PLPPR3: variants seen among roughly 807,000 people sequenced by gnomAD.
PLPPR3 encodes the protein phospholipid phosphatase related 3, also known as phospholipid phosphatase-related protein type 3.
Under a neutral mutation model 27.3 loss-of-function variants are expected in PLPPR3, and 14 were observed. That is an observed-to-expected ratio of 0.51 (90% CI 0.34 to 0.80). The LOEUF (loss-of-function observed/expected upper bound fraction) is 0.80. Among genes scored for constraint, PLPPR3 ranks in the 30% least tolerant of loss-of-function variants. PLPPR3 has a pLI of 0.01. For missense variants in PLPPR3, 1,287 were observed against 1,056.9 expected, an observed-to-expected ratio of 1.22 and a Z score of -3.02; for synonymous variants, 671 against 508.0, an observed-to-expected ratio of 1.32 and a Z score of -4.32.
Position 819,107 on chromosome 19 carries a change from G to T in PLPPR3, c.75+2378C>A, listed in dbSNP as rs1395834224. Among the ~76,000 whole-genome samples the T allele has an allele frequency of 1.8e-5, 2 of 108,264 alleles. 1 individual carries two copies. The highest frequency in any genetic ancestry group is 6.6e-4 in the South Asian group (2 of 3,034). 71.0% of individuals were successfully genotyped at this position (108,264 alleles called of 152,430 possible). A position where few individuals can be genotyped will look rare whatever the true frequency, so the allele number is the denominator to read the frequency against. On this transcript the variant is annotated intron_variant, in intron 2 of 7. Transcript: ENST00000520876. ...TTCTCCCACCTCAGCCTCCGGAGTA[G>T]CTGAGACTACAGGCACACACCACCA...
intron 2 of PLPPR3, among the ~76,000 whole-genome samples, chr19:818,737 G>A (rs1169396931): frequency 5.3e-5 from 8 of 151,974 alleles, no homozygotes; most frequent in Admixed American, 2.6e-4. Flanking sequence ...GTTTCACCGT[G>A]TTAGCCAGGA....
intron 2 of PLPPR3, 144 bp downstream of exon 2, chr19:821,341 C>G: frequency 3.5e-6 from 2 of 578,334 alleles, no homozygotes; most frequent in South Asian, 5.1e-5. Context: ...GCCCCACCCC[C>G]CATCCGCCGG....
Position 813,270 on chromosome 19 carries a change from G to T in PLPPR3, c.1457C>A (p.Pro486Gln). The change falls in exon 8 of 8, where the codon CCG becomes CAG. Residue 486 changes from proline to glutamine, a missense_variant. Transcript: ENST00000520876. The surrounding 1 kb of genome is among the most constrained non-coding windows in gnomAD (Gnocchi z 4.1). The stretch of plus-strand genomic sequence containing the variant: ...CACCAGCGGCGGCGGCCCCGCGCGC[G>T]GTGGGAGGATGACCCGAGGCCCCAG... ...PGLGPRVILP[P>Q]RAGPPPLVHI... The T allele has an allele frequency of 6.8e-7, 1 of 1,473,134 alleles. No homozygotes were observed. The highest frequency in any genetic ancestry group is 1.3e-5 in the South Asian group (1 of 76,906). The allele number at this position is 1,473,134 out of a possible 1,614,324, so 91.3% of individuals were successfully genotyped here.
Position 821,735 on chromosome 19 carries a change from C to T in PLPPR3, c.-26-150G>A, listed in dbSNP as rs922647922. 10 of 409,624 alleles carry T rather than the reference C, an allele frequency of 2.4e-5. No individual in the cohort carries two copies. The South Asian group carries it at 4.8e-4, about 20-fold the overall frequency. The allele number at this position is 409,624 out of a possible 1,614,324, so 25.4% of individuals were successfully genotyped here. A position where few individuals can be genotyped will look rare whatever the true frequency, so the allele number is the denominator to read the frequency against. Reference sequence around the variant, plus strand: ...GGCCTCCCCGCGCCCCGGCCCAGCACGCGGCTTCCGGGCGCCCCTACACCC... The same window carrying T: ...GGCCTCCCCGCGCCCCGGCCCAGCATGCGGCTTCCGGGCGCCCCTACACCC... On this transcript the variant is annotated intron_variant, in intron 1 of 7. Transcript: ENST00000520876.
intron 2 of PLPPR3, among the ~76,000 whole-genome samples, chr19:818,430 G>A (rs1472082082): frequency 1.3e-5 from 2 of 152,056 alleles, no homozygotes; most frequent in Non-Finnish European, 2.9e-5. Flanking sequence ...GCCGACCGCA[G>A]TGGCTCACAC....
At chr19:823,130 A>G (rs2035173189), upstream of PLPPR3, among the ~76,000 whole-genome samples, 1 of 148,736 alleles carries the variant, frequency 6.7e-6, no homozygotes, top group African/African-American at 2.5e-5. Context: ...AAAACAAACA[A>G]ACAAACAAAC....
At position 812,593 on chromosome 19, in the gene PLPPR3, G is replaced by C; in HGVS notation, c.2134C>G (p.Gln712Glu). The C allele has an allele frequency of 9.1e-7, 1 of 1,102,438 alleles. No homozygotes were observed. Among genetic ancestry groups the C allele is most frequent in the South Asian group, 2.1e-5 (1 of 48,136 alleles). 68.3% of individuals were successfully genotyped at this position (1,102,438 alleles called of 1,614,324 possible). Residue 712 changes from glutamine (Q) to glutamate (E), a missense_variant, in exon 8 of 8, where the codon CAG becomes GAG. Gln to Glu is a conservative substitution (Grantham distance 29). Coordinates refer to ENST00000520876, the MANE Select transcript of PLPPR3 (RefSeq NM_001270366.2). ...CGCTAGTCGGGGAAGCGGCGCGCCTGCATCTTGCGGAAGTAGCCCTCGGCC... is the reference window on the plus strand; with the variant it reads ...CGCTAGTCGGGGAAGCGGCGCGCCTCCATCTTGCGGAAGTAGCCCTCGGCC... ...AEAEGYFRKM[Q>E]ARRFPD
At position 812,732 on chromosome 19, in the gene PLPPR3, C is replaced by T; in HGVS notation, c.1995G>A (p.Glu665=). Residue 665 remains glutamate (E), a synonymous_variant, in exon 8 of 8, where the codon GAG becomes GAA. Coordinates refer to ENST00000520876, the MANE Select transcript of PLPPR3 (RefSeq NM_001270366.2). ...CGGCCGCGCCCAGCGGGGGCAGCCC[C>T]TCGCCCGTGGCCAGGTTGACGGTGG... The part of the protein sequence containing the change: ...AVATVNLATG[E]GLPPLGAADG... 1 of 1,065,092 alleles carries T rather than the reference C, an allele frequency of 9.4e-7. No individual in the cohort carries two copies. The allele number at this position is 1,065,092 out of a possible 1,614,324, so 66.0% of individuals were successfully genotyped here.
intron 2 of PLPPR3, among the ~76,000 whole-genome samples, chr19:816,451 C>T (rs1336337812): frequency 6.6e-6 from 1 of 150,502 alleles, no homozygotes; most frequent in Non-Finnish European, 1.5e-5. Flanking sequence ...CCCACCTACC[C>T]ATCCATCCAA....
rs2035001268 is a variant in PLPPR3 at position 813,930 on chromosome 19, G to A, written c.832-35C>T. ...AGAGGGGTCTGGGGGTGAGGCCTGG[G>A]GCTCAGAGGGCTCCTCCCCTGTGAT... On this transcript the variant is annotated intron_variant, in intron 7 of 7. Coordinates refer to ENST00000520876, the MANE Select transcript of PLPPR3 (RefSeq NM_001270366.2). This position sits in a 1 kb window ranked among gnomAD's most constrained non-coding sequence, Gnocchi z 4.1. The A allele has an allele frequency of 7.1e-7, 1 of 1,415,444 alleles. No individual in the cohort carries two copies. The highest frequency in any genetic ancestry group is 9.2e-7 in the Non-Finnish European group (1 of 1,092,484). The allele number at this position is 1,415,444 out of a possible 1,614,324, so 87.7% of individuals were successfully genotyped here. A position where few individuals can be genotyped will look rare whatever the true frequency, so the allele number is the denominator to read the frequency against.
rs762411030 is a variant in PLPPR3, at chr19:815,218, T to C, written c.371A>G (p.Asn124Ser). ...CCGCACCGTACGCCGCAGGAAGGAG[T>C]TGAAGTTGCAGCCGCCGGCGTTGAT... is the stretch of plus-strand genomic sequence containing the variant. ...GSINAGGCNF[N>S]SFLRRTVRFV... The change falls in exon 4 of 8, where the codon AAC (asparagine) becomes AGC (serine). Residue 124 changes from asparagine to serine, a missense_variant. Coordinates refer to ENST00000520876, the MANE Select transcript of PLPPR3 (RefSeq NM_001270366.2). 1.3e-6 allele frequency: 2 copies of C among 1,599,950 alleles called. No individual in the cohort carries two copies. The highest frequency in any genetic ancestry group is 1.1e-5 in the South Asian group (1 of 90,024).
At chr19:816,002 T>A in intron 2 of PLPPR3, 151 bp from the exon 3 acceptor site, 2 of 737,410 alleles carry the variant, frequency 2.7e-6, no homozygotes, top group Admixed American at 5.6e-5. Flanking sequence ...GAGTTATTCA[T>A]CCATCCACAG....
intron 2 of PLPPR3, among the ~76,000 whole-genome samples, chr19:817,053 A>AC (rs1470710936): frequency 7.2e-6 from 1 of 138,060 alleles, no homozygotes; most frequent in Admixed American, 8.7e-5. Context: ...TCATCCATCT[A>AC]CCCATCTGTC....
chr19:814,191 C>T (rs1425565119), intron 7 of PLPPR3, among the ~76,000 whole-genome samples: 1 of 151,278 alleles, frequency 6.6e-6, no homozygotes, highest in Non-Finnish European at 1.5e-5. Context: ...CGTGCCTCCC[C>T]CCTAGAGCCC....
At chr19:818,627 G>A (rs539239350) in intron 2 of PLPPR3, among the ~76,000 whole-genome samples, 76 of 151,932 alleles carry the variant, frequency 5.0e-4, no homozygotes, top group Middle Eastern at 3.4e-3. Context: ...TCCACATCCC[G>A]GGTTCACGCC....
upstream of PLPPR3, among the ~76,000 whole-genome samples, chr19:823,457 A>AC (rs2035179382): frequency 7.3e-6 from 1 of 136,328 alleles, no homozygotes; most frequent in Non-Finnish European, 1.5e-5. Context: ...AAAAAAAAAA[A>AC]ACAAACAAAC....
At position 813,806 on chromosome 19, in the gene PLPPR3, C is replaced by T. The variant is rs541543804; in HGVS notation, c.921G>A (p.Thr307=). 1.3e-6 allele frequency: 2 copies of T among 1,519,814 alleles called. No homozygotes were observed. Among genetic ancestry groups the T allele is most frequent in the East Asian group, 2.5e-5 (1 of 39,958 alleles). The allele number at this position is 1,519,814 out of a possible 1,614,324, so 94.1% of individuals were successfully genotyped here. A position where few individuals can be genotyped will look rare whatever the true frequency, so the allele number is the denominator to read the frequency against. ...GATAAACCGAGTCGTGGCCCCGCTG[C>T]GTCAGGGCCCGCAGCGCGTCCTTGG... ...APAKDALRAL[T]QRGHDSVYQQ... Residue 307 remains threonine, a synonymous_variant, in exon 8 of 8, where the codon ACG becomes ACA. Transcript: ENST00000520876. This position sits in a 1 kb window ranked among gnomAD's most constrained non-coding sequence, Gnocchi z 4.1.
chr19:821,270 G>A (rs1280419042), intron 2 of PLPPR3, among the ~76,000 whole-genome samples: 4 of 144,500 alleles, frequency 2.8e-5, no homozygotes, highest in Non-Finnish European at 6.0e-5. Flanking sequence ...CAGTTCCCAC[G>A]GCCTGGACCC....
Position 812,558 on chromosome 19 carries a change from G to A in PLPPR3, c.*12C>T. On this transcript the variant is annotated 3_prime_UTR_variant, in exon 8 of 8. Transcript: ENST00000520876. ...CTCGGCCCGCCCCCCGCCCGCCCCCGGCCCCGCCGCGCTAGTCGGGGAAGC... is the reference window on the plus strand; with the variant it reads ...CTCGGCCCGCCCCCCGCCCGCCCCCAGCCCCGCCGCGCTAGTCGGGGAAGC... 2 of 224,322 alleles carry A rather than the reference G, an allele frequency of 8.9e-6. 1 individual carries two copies. The highest frequency in any genetic ancestry group is 4.5e-3 in the Middle Eastern group (2 of 440). The allele number at this position is 224,322 out of a possible 1,614,324, so 13.9% of individuals were successfully genotyped here.
Sources: allele counts gnomAD v4.1 joint callset (sites outside exome capture counted in the v4.1 genomes callset), GRCh38; gene constraint gnomAD v4.1.1; non-coding constraint Gnocchi (gnomAD v3.1); transcripts MANE v1.5; gene names NCBI Gene and HGNC (gene_info 2026-07-23, HGNC 2026-07-21).